The following ERI3 variants were observed in gnomAD, a reference collection of about 807,000 sequenced individuals.
The protein encoded by ERI3 is ERI1 exoribonuclease family member 3, also known as ERI1 exoribonuclease 3.
ERI3 carries 18 observed loss-of-function variants against 44.4 expected under a neutral mutation model. The ratio of observed to expected loss-of-function variants is 0.41; its 90% CI spans 0.28 to 0.60. The LOEUF (loss-of-function observed/expected upper bound fraction) is 0.60, where lower values mean the gene tolerates loss of function less well. ERI3 is among the 20% of genes least tolerant of loss of function. The pLI is 0.36. For missense variants in ERI3, 294 were observed against 435.5 expected (o/e 0.68, Z 2.89); for synonymous variants, 183 against 164.8 (o/e 1.11, Z -0.84).
intron 2 of ERI3, among the ~76,000 whole-genome samples, chr1:44,349,117 G>A (rs1646842080): frequency 6.6e-6 from 1 of 152,146 alleles, no homozygotes; most frequent in Admixed American, 6.5e-5. Context: ...ATGGTGTTGG[G>A]ACTAAGGTCC....
chr1:44,290,491 T>C (rs1645483388), intron 6 of ERI3, among the ~76,000 whole-genome samples: 2 of 152,148 alleles, frequency 1.3e-5, no homozygotes, highest in South Asian at 4.1e-4. Flanking sequence ...CTGCAGCTCA[T>C]AACTGCCACG....
chr1:44,308,775 T>G, intron 5 of ERI3, among the ~76,000 whole-genome samples: 1 of 152,178 alleles, frequency 6.6e-6, no homozygotes, highest in Non-Finnish European at 1.5e-5. Context: ...AACAGGGTAG[T>G]AGGAGGCCCC....
At position 44,326,732 on chromosome 1, in the gene ERI3, T is replaced by G. The variant is rs1646323368; in HGVS notation, c.490-6988A>C. The stretch of plus-strand genomic sequence containing the variant: ...CTCGAAGTTTCAGGACAAGGAAGGG[T>G]AAAAAATCGGAGCTTTAAAAGGCTG... On this transcript the variant is annotated intron_variant, in intron 3 of 8. Transcript: ENST00000372257. 2.0e-5 allele frequency among the ~76,000 whole-genome samples: 3 copies of G among 152,258 alleles called. 1 individual carries two copies. Among genetic ancestry groups the G allele is most frequent in the Admixed American group, 2.0e-4 (3 of 15,298 alleles).
chr1:44,305,149 C>G (rs1265158835), intron 6 of ERI3, among the ~76,000 whole-genome samples: 1 of 152,244 alleles, frequency 6.6e-6, no homozygotes, highest in Non-Finnish European at 1.5e-5. Flanking sequence ...CTTCCTTCTT[C>G]TCAGACTCAC....
chr1:44,276,751 G>C (rs993558800), intron 7 of ERI3, among the ~76,000 whole-genome samples: 1 of 152,022 alleles, frequency 6.6e-6, no homozygotes, highest in Non-Finnish European at 1.5e-5. Flanking sequence ...CCAACATCCA[G>C]CTTAGATCCC....
chr1:44,350,708 T>G (rs1646871334), intron 2 of ERI3, among the ~76,000 whole-genome samples: 2 of 152,222 alleles, frequency 1.3e-5, no homozygotes, highest in South Asian at 4.1e-4. Context: ...ATGCAAAGAT[T>G]CAGTTATACT....
chr1:44,253,194 GC>G (rs1341882381), intron 7 of ERI3, among the ~76,000 whole-genome samples: 1 of 152,164 alleles, frequency 6.6e-6, no homozygotes, highest in East Asian at 1.9e-4. Flanking sequence ...TAAACACTAG[GC>G]TGGAGTATGC....
intron 7 of ERI3, among the ~76,000 whole-genome samples, chr1:44,281,631 T>C (rs1645289178): frequency 6.9e-6 from 1 of 145,918 alleles, no homozygotes; most frequent in Non-Finnish European, 1.5e-5. Context: ...ATATATATAT[T>C]CATTTATCGA....
chr1:44,246,293 C>T (rs992810722), intron 8 of ERI3, among the ~76,000 whole-genome samples: 2 of 152,116 alleles, frequency 1.3e-5, no homozygotes, highest in African/African-American at 4.8e-5. Context: ...TCTAAAATAC[C>T]CTTCCCCCAT....
intron 7 of ERI3, among the ~76,000 whole-genome samples, chr1:44,266,030 T>C (rs2154320804): frequency 6.6e-6 from 1 of 152,342 alleles, no homozygotes; most frequent in South Asian, 2.1e-4. Context: ...ATAAATTATA[T>C]CTCAATAAAA....
intron 8 of ERI3, among the ~76,000 whole-genome samples, chr1:44,240,089 C>A (rs1370062238): frequency 6.6e-6 from 1 of 152,252 alleles, no homozygotes; most frequent in Non-Finnish European, 1.5e-5. Flanking sequence ...GACAGCTATA[C>A]CCTCAGCCAC....
At chr1:44,275,872 G>T (rs1273602497) in intron 7 of ERI3, among the ~76,000 whole-genome samples, 1 of 152,146 alleles carries the variant, frequency 6.6e-6, no homozygotes, top group African/African-American at 2.4e-5. Flanking sequence ...TCCATTTTGT[G>T]TTGCTATAAA....
intron 8 of ERI3, among the ~76,000 whole-genome samples, chr1:44,231,253 A>G (rs917410795): frequency 6.6e-6 from 1 of 151,976 alleles, no homozygotes; most frequent in African/African-American, 2.4e-5. Context: ...CTGCATTGGG[A>G]TTTTCAGATT....
intron 6 of ERI3, among the ~76,000 whole-genome samples, chr1:44,305,372 A>G (rs1645810626): frequency 6.6e-6 from 1 of 152,342 alleles, no homozygotes; most frequent in East Asian, 1.9e-4. Flanking sequence ...TAAGCAGAGA[A>G]ACAACACCAA....
chr1:44,285,332 G>A (rs560054618), intron 6 of ERI3, among the ~76,000 whole-genome samples: 1 of 152,310 alleles, frequency 6.6e-6, no homozygotes, highest in Admixed American at 6.5e-5. Context: ...ACTGAACCCA[G>A]TTCTGTCTGA....
Position 44,322,102 on chromosome 1 carries a change from G to A in ERI3, c.490-2358C>T, listed in dbSNP as rs1984572. On this transcript the variant is annotated intron_variant, in intron 3 of 8. Coordinates refer to ENST00000372257, the MANE Select transcript of ERI3 (RefSeq NM_024066.3). ...AGCACATGGTTTGTTTTAGATATCC[G>A]AAATGCTATTATAGATCTAGGATTT... 1.7e-3 allele frequency among the ~76,000 whole-genome samples: 265 copies of A among 152,046 alleles called. 1 individual carries two copies. The highest frequency in any genetic ancestry group is 6.0e-3 in the African/African-American group (248 of 41,464).
chr1:44,221,671 C>T lies in ERI3; in HGVS notation c.932-31G>A. 6.3e-7 allele frequency: 1 copy of T among 1,583,954 alleles called. No individual in the cohort carries two copies. The highest frequency in any genetic ancestry group is 8.7e-7 in the Non-Finnish European group (1 of 1,152,588). On this transcript the variant is annotated intron_variant, in intron 8 of 8. Coordinates refer to ENST00000372257, the MANE Select transcript of ERI3 (RefSeq NM_024066.3). The surrounding 1 kb of genome is among the most constrained non-coding windows in gnomAD (Gnocchi z 5.9). The stretch of plus-strand genomic sequence containing the variant: ...AAGGAGAGAAGACATTTAGATCAGC[C>T]CCAGATCCTTCCCCTCCATGCCCAC...
intron 1 of ERI3, chr1:44,353,752 C>T (rs1646942125): frequency 8.1e-6 from 8 of 985,444 alleles, no homozygotes; most frequent in Non-Finnish European, 8.4e-6. Flanking sequence ...TTTACAGGAT[C>T]TTTGGGCAGG....
intron 7 of ERI3, among the ~76,000 whole-genome samples, chr1:44,269,417 G>C (rs945652374): frequency 1.3e-5 from 2 of 152,174 alleles, no homozygotes; most frequent in African/African-American, 4.8e-5. Flanking sequence ...CTAGTGCCTA[G>C]AGTCAGACCA....
Sources: allele counts gnomAD v4.1 joint callset (sites outside exome capture counted in the v4.1 genomes callset), GRCh38; gene constraint gnomAD v4.1.1; non-coding constraint Gnocchi (gnomAD v3.1); transcripts MANE v1.5; gene names NCBI Gene and HGNC (gene_info 2026-07-23, HGNC 2026-07-21).